Variants in PCDHGB3 observed in about 807,000 individuals in gnomAD.
PCDHGB3 encodes protocadherin gamma subfamily B, 3, also known as protocadherin gamma-B3.
PCDHGB3 carries 40 observed loss-of-function variants against 59.2 expected under a neutral mutation model. That is an observed-to-expected ratio of 0.68 (90% CI 0.52 to 0.88). The LOEUF (loss-of-function observed/expected upper bound fraction) is 0.88, where lower values mean the gene tolerates loss of function less well. Among genes scored for constraint, PCDHGB3 ranks in the 40% least tolerant of loss-of-function variants. PCDHGB3 has a pLI of 0.00. For missense variants in PCDHGB3, 1,309 were observed against 1,187.9 expected (o/e 1.10, Z -1.50); for synonymous variants, 581 against 503.6 (o/e 1.15, Z -2.06).
At position 141,477,806 on chromosome 5, in the gene PCDHGB3, G is replaced by GC; in HGVS notation, c.2416-16995dup. Reference sequence around the variant, plus strand: ...ATTTGTCACTGATCGCAATGACAATGCCCCCCAGGTCCTATATCCTCGGCC... The same window carrying GC: ...ATTTGTCACTGATCGCAATGACAATGCCCCCCCAGGTCCTATATCCTCGGCC... On this transcript the variant is annotated intron_variant, in intron 1 of 3. Transcript: ENST00000576222. This position sits in a 1 kb window ranked among gnomAD's most constrained non-coding sequence, Gnocchi z 4.9. 1 of 1,614,114 alleles carries GC rather than the reference G, an allele frequency of 6.2e-7. No homozygotes were observed.
chr5:141,430,796 C>A, intron 1 of PCDHGB3: 1 of 1,522,232 alleles, frequency 6.6e-7, no homozygotes, highest in Middle Eastern at 1.8e-4. Context: ...CTACAAAGGG[C>A]TTGTCCTGCT....
chr5:141,476,565 C>T lies in PCDHGB3; in HGVS notation c.2416-18242C>T. 6.2e-7 allele frequency: 1 copy of T among 1,614,184 alleles called. No individual in the cohort carries two copies. Among genetic ancestry groups the T allele is most frequent in the Non-Finnish European group, 8.5e-7 (1 of 1,180,034 alleles). On this transcript the variant is annotated intron_variant, in intron 1 of 3. Coordinates refer to ENST00000576222, the MANE Select transcript of PCDHGB3 (RefSeq NM_018924.5). This position sits in a 1 kb window ranked among gnomAD's most constrained non-coding sequence, Gnocchi z 7.6. ...TTGGAGATTAGCGAGGCCGTGGCTC[C>T]GGGGACGCGCTTTCCGCTCGAGAGC...
At chr5:141,430,078 T>A (rs911861599) in intron 1 of PCDHGB3, among the ~76,000 whole-genome samples, 2 of 152,282 alleles carry the variant, frequency 1.3e-5, no homozygotes, top group Admixed American at 1.3e-4. Context: ...TTCCATAATA[T>A]CATGAAAATT....
intron 1 of PCDHGB3, chr5:141,377,467 A>G (rs1170946460): frequency 1.3e-5 from 2 of 152,076 alleles, no homozygotes; most frequent in Non-Finnish European, 2.9e-5. Context: ...TGTGTGGCGT[A>G]CACCTGTAGT....
chr5:141,506,266 T>A (rs1397052417), intron 3 of PCDHGB3, among the ~76,000 whole-genome samples: 1 of 151,862 alleles, frequency 6.6e-6, no homozygotes, highest in Non-Finnish European at 1.5e-5. Context: ...CTGGCCAACA[T>A]AGTGAAACCC....
At chr5:141,415,754 T>TTG in intron 1 of PCDHGB3, 4 of 1,385,736 alleles carry the variant, frequency 2.9e-6, no homozygotes, top group South Asian at 1.7e-5. Flanking sequence ...TTTTTTTTTT[T>TTG]TTTTTTTTTT....
At chr5:141,443,538 G>A (rs768723399) in intron 1 of PCDHGB3, among the ~76,000 whole-genome samples, 2 of 152,118 alleles carry the variant, frequency 1.3e-5, no homozygotes, top group African/African-American at 4.8e-5. Flanking sequence ...TTTAAAGCTT[G>A]GGAAATTGTT....
Position 141,491,889 on chromosome 5 carries a change from C to T in PCDHGB3, c.2416-2918C>T, listed in dbSNP as rs2099734763. On this transcript the variant is annotated intron_variant, in intron 1 of 3. Transcript: ENST00000576222. The surrounding 1 kb of genome is among the most constrained non-coding windows in gnomAD (Gnocchi z 6.9). ...GAGTGGCCGATTAAGGGATGGGGCT[C>T]CGAGCACCGGGGGTGGTGGCGACTG... 11 of 1,441,360 alleles carry T rather than the reference C, an allele frequency of 7.6e-6. No individual in the cohort carries two copies. Among genetic ancestry groups the T allele is most frequent in the Non-Finnish European group, 1.0e-5 (11 of 1,090,600 alleles). 89.3% of individuals were successfully genotyped at this position (1,441,360 alleles called of 1,614,324 possible).
chr5:141,372,910 A>AT, intron 1 of PCDHGB3, 101 bp downstream of exon 1: 1 of 1,053,676 alleles, frequency 9.5e-7, no homozygotes, highest in East Asian at 2.6e-5. Flanking sequence ...TGATTACATT[A>AT]TTTTATTGAT....
chr5:141,450,278 G>C (rs977381598), intron 1 of PCDHGB3, among the ~76,000 whole-genome samples: 1 of 152,026 alleles, frequency 6.6e-6, no homozygotes, highest in African/African-American at 2.4e-5. Flanking sequence ...TCAGCTAAGT[G>C]CTGGGATTAC....
intron 1 of PCDHGB3, among the ~76,000 whole-genome samples, chr5:141,480,274 G>A (rs111260319): frequency 6.6e-6 from 1 of 152,036 alleles, no homozygotes; most frequent in Non-Finnish European, 1.5e-5. Context: ...CATTAGCTGG[G>A]TGTGTTGGCA....
rs1344998245 is a variant in PCDHGB3 at position 141,400,678 on chromosome 5, T to C, written c.2415+27869T>C. 7.9e-6 allele frequency: 7 copies of C among 881,884 alleles called. No homozygotes were observed. The East Asian group carries it at 1.5e-4, about 19-fold the overall frequency. The allele number at this position is 881,884 out of a possible 1,614,324, so 54.6% of individuals were successfully genotyped here. On this transcript the variant is annotated intron_variant, in intron 1 of 3. Coordinates refer to ENST00000576222, the MANE Select transcript of PCDHGB3 (RefSeq NM_018924.5). ...ACCATTCTTTAAGAGGAGCAGTAAA[T>C]TGTGAGTTTTTATGTCGCATAAAAG...
chr5:141,416,615 C>T (rs1156238298), intron 1 of PCDHGB3: 1 of 152,088 alleles, frequency 6.6e-6, no homozygotes, highest in Non-Finnish European at 1.5e-5. Context: ...AATGCCATTT[C>T]TGCAGATCAG....
chr5:141,455,143 T>C (rs984886337), intron 1 of PCDHGB3, among the ~76,000 whole-genome samples: 1 of 149,894 alleles, frequency 6.7e-6, no homozygotes, highest in Non-Finnish European at 1.5e-5. Flanking sequence ...CTGTGTTAAA[T>C]AAATATTAGT....
chr5:141,430,725 G>A (rs1436128094), intron 1 of PCDHGB3: 4 of 1,497,276 alleles, frequency 2.7e-6, no homozygotes, highest in Admixed American at 2.4e-5. Flanking sequence ...AGTGGTTAAG[G>A]GCAGAATTGA....
intron 1 of PCDHGB3, among the ~76,000 whole-genome samples, chr5:141,472,792 C>A (rs2099297177): frequency 6.6e-6 from 1 of 151,698 alleles, no homozygotes; most frequent in African/African-American, 2.4e-5. Context: ...TCAAGATCAG[C>A]CTGACCAACA....
chr5:141,379,889 C>CTTTT lies in PCDHGB3; in HGVS notation c.2415+7107_2415+7110dup, dbSNP rs70988800. ...CTTATTTTATGGTCTGTGAAAGCCT[C>CTTTT]TTTTTTTTTTTTTTTTTTTTTTTTT... is the stretch of plus-strand genomic sequence containing the variant. On this transcript the variant is annotated intron_variant, in intron 1 of 3. Transcript: ENST00000576222. Among the ~76,000 whole-genome samples, 383 of 50,836 alleles carry CTTTT rather than the reference C, an allele frequency of 7.5e-3. 64 individuals are homozygous for CTTTT. The highest frequency in any genetic ancestry group is 9.2e-3 in the Non-Finnish European group (239 of 25,888). 33.4% of individuals were successfully genotyped at this position (50,836 alleles called of 152,430 possible). A position where few individuals can be genotyped will look rare whatever the true frequency, so the allele number is the denominator to read the frequency against.
chr5:141,383,492 G>T (rs1012277194), intron 1 of PCDHGB3: 11 of 1,613,178 alleles, frequency 6.8e-6, no homozygotes, highest in Non-Finnish European at 9.3e-6. Context: ...GTGCTGGAGC[G>T]GGTGCTGGAC....
intron 1 of PCDHGB3, chr5:141,374,015 G>T: frequency 1.5e-6 from 2 of 1,375,596 alleles, no homozygotes; most frequent in Non-Finnish European, 1.9e-6. Context: ...CTATTTCTGA[G>T]AAGAGCAAAA....
Sources: gnomAD v4.1 joint callset for allele counts (sites outside exome capture counted in the v4.1 genomes callset) on GRCh38, gnomAD v4.1.1 for gene constraint, Gnocchi (gnomAD v3.1) non-coding constraint, MANE v1.5 for transcripts, NCBI Gene and HGNC (gene_info 2026-07-23, HGNC 2026-07-21) for gene names.